Variants in HS6ST3 observed in about 807,000 individuals in gnomAD.
The protein encoded by HS6ST3 is heparan-sulfate 6-O-sulfotransferase 3.
Under a neutral mutation model 36.7 loss-of-function variants are expected in HS6ST3, and 12 were observed. The observed-to-expected ratio is 0.33, with a 90% confidence interval of 0.21 to 0.53. HS6ST3 has a LOEUF of 0.53. HS6ST3 is among the 20% of genes least tolerant of loss of function. The pLI is 0.95. For synonymous variants in HS6ST3, 240 were observed against 257.5 expected, an observed-to-expected ratio of 0.93 and a Z score of 0.65; for missense variants, 584 against 640.9, an observed-to-expected ratio of 0.91 and a Z score of 0.96.
chr13:96,375,060 TC>T (rs996416282), intron 1 of HS6ST3, among the ~76,000 whole-genome samples: 2 of 152,062 alleles, frequency 1.3e-5, no homozygotes, highest in African/African-American at 4.8e-5. Flanking sequence ...CCATCTTGCT[TC>T]CATTCTTGTC....
chr13:96,094,147 T>C (rs1203415199), intron 1 of HS6ST3, among the ~76,000 whole-genome samples: 1 of 152,176 alleles, frequency 6.6e-6, no homozygotes, highest in Admixed American at 6.5e-5. Context: ...CAGGAGTAAG[T>C]TACTTTTTCT....
chr13:96,688,055 ACACC>A (rs1461809317), intron 1 of HS6ST3, among the ~76,000 whole-genome samples: 1 of 63,440 alleles, frequency 1.6e-5, no homozygotes, highest in Non-Finnish European at 3.0e-5. Flanking sequence ...CATCACACAC[ACACC>A]GGGGCCTGTC....
chr13:96,493,821 ATG>A (rs1419406560), intron 1 of HS6ST3, among the ~76,000 whole-genome samples: 1 of 152,216 alleles, frequency 6.6e-6, no homozygotes, highest in Non-Finnish European at 1.5e-5. Flanking sequence ...GTGAGAAAAA[ATG>A]TTATGATTTA....
intron 1 of HS6ST3, among the ~76,000 whole-genome samples, chr13:96,092,927 C>T (rs888037239): frequency 2.6e-5 from 4 of 152,176 alleles, no homozygotes; most frequent in East Asian, 3.8e-4. Context: ...GTATATTTTA[C>T]GGATCCTTTG....
At chr13:96,788,499 A>G (rs1358954127) in intron 1 of HS6ST3, among the ~76,000 whole-genome samples, 1 of 151,764 alleles carries the variant, frequency 6.6e-6, no homozygotes, top group Non-Finnish European at 1.5e-5. Context: ...TCAGCCTGTA[A>G]TTTTTAGTAT....
At chr13:96,291,116 A>G (rs1223432436) in intron 1 of HS6ST3, among the ~76,000 whole-genome samples, 5 of 152,050 alleles carry the variant, frequency 3.3e-5, no homozygotes, top group African/African-American at 9.7e-5. Flanking sequence ...CTTTTATTTT[A>G]GCATTTGCTA....
Position 96,788,151 on chromosome 13 carries a change from A to G in HS6ST3, c.708-44339A>G, listed in dbSNP as rs565443677. On this transcript the variant is annotated intron_variant, in intron 1 of 1. Transcript: ENST00000376705. ...CATAGACTTGGTTACTATAGCTTAT[A>G]GTAAGCCTTAAAATCAGATAGTGTG... Among the ~76,000 whole-genome samples, 4 of 152,054 alleles carry G rather than the reference A, an allele frequency of 2.6e-5. No individual in the cohort carries two copies. In the South Asian group the frequency reaches 8.3e-4, roughly 31 times the overall value.
chr13:96,765,588 T>TTCTCTCTCTCTCTCTCTCTCTC (rs58979172), intron 1 of HS6ST3, among the ~76,000 whole-genome samples: 7 of 142,708 alleles, frequency 4.9e-5, no homozygotes, highest in African/African-American at 7.7e-5. Flanking sequence ...CTCTCTCTCT[T>TTCTCTCTCTCTCTCTCTCTCTC]TCTCTCTCTC....
chr13:96,530,653 G>T (rs1428924920), intron 1 of HS6ST3, among the ~76,000 whole-genome samples: 1 of 151,880 alleles, frequency 6.6e-6, no homozygotes, highest in Admixed American at 6.6e-5. Flanking sequence ...CACCATGTCT[G>T]GCCTAACTCA....
chr13:96,805,987 G>T (rs543521778), intron 1 of HS6ST3, among the ~76,000 whole-genome samples: 2 of 152,266 alleles, frequency 1.3e-5, no homozygotes, highest in African/African-American at 4.8e-5. Context: ...GTATCTGGAG[G>T]CGTGGATAGT....
intron 1 of HS6ST3, among the ~76,000 whole-genome samples, chr13:96,363,288 A>AC (rs2055247592): frequency 7.9e-6 from 1 of 127,178 alleles, no homozygotes; most frequent in African/African-American, 3.4e-5. Flanking sequence ...GTCTTCCTGT[A>AC]CATTTTTTTT....
chr13:96,821,761 A>T (rs1442342107), intron 1 of HS6ST3, among the ~76,000 whole-genome samples: 1 of 152,214 alleles, frequency 6.6e-6, no homozygotes, highest in Non-Finnish European at 1.5e-5. Flanking sequence ...TTAATATGCC[A>T]AAATGGTTAC....
intron 1 of HS6ST3, among the ~76,000 whole-genome samples, chr13:96,233,027 G>A (rs78469475): frequency 0.041 from 6,202 of 152,208 alleles, 202 homozygotes; most frequent in African/African-American, 0.086. Context: ...AACATGTTAA[G>A]CATTCTTTTT....
chr13:96,591,282 G>A (rs2056381004), intron 1 of HS6ST3, among the ~76,000 whole-genome samples: 1 of 151,734 alleles, frequency 6.6e-6, no homozygotes, highest in South Asian at 2.1e-4. Flanking sequence ...GAATGATTTG[G>A]GTAGCATGGA....
At chr13:96,215,101 G>C (rs562325653) in intron 1 of HS6ST3, among the ~76,000 whole-genome samples, 27 of 152,270 alleles carry the variant, frequency 1.8e-4, no homozygotes, top group Admixed American at 6.5e-4. Flanking sequence ...CATGGGATGA[G>C]GATGGTGATA....
intron 1 of HS6ST3, among the ~76,000 whole-genome samples, chr13:96,780,418 A>T (rs568030779): frequency 6.6e-6 from 1 of 152,298 alleles, no homozygotes; most frequent in East Asian, 1.9e-4. Flanking sequence ...CACTCCAGAT[A>T]AGACCTCCAT....
chr13:96,485,271 G>C (rs78790106), intron 1 of HS6ST3, among the ~76,000 whole-genome samples: 4,307 of 152,106 alleles, frequency 0.028, 213 homozygotes, highest in African/African-American at 0.098. Flanking sequence ...TTCATAGGAG[G>C]TTTGTAGTCT....
intron 1 of HS6ST3, among the ~76,000 whole-genome samples, chr13:96,409,386 G>A (rs2055496089): frequency 6.6e-6 from 1 of 152,194 alleles, no homozygotes; most frequent in African/African-American, 2.4e-5. Flanking sequence ...GAGAAATTCT[G>A]TATAATGCTG....
At chr13:96,519,489 C>G (rs1022915206) in intron 1 of HS6ST3, among the ~76,000 whole-genome samples, 1 of 152,300 alleles carries the variant, frequency 6.6e-6, no homozygotes. Context: ...TGTTTCTGGG[C>G]ATGGTCCAAC....
Sources: allele counts gnomAD v4.1 joint callset (sites outside exome capture counted in the v4.1 genomes callset), GRCh38; gene constraint gnomAD v4.1.1; transcripts MANE v1.5; gene names NCBI Gene and HGNC (gene_info 2026-07-23, HGNC 2026-07-21).